Variants in SCG5 observed in about 807,000 individuals in gnomAD.
SCG5 encodes neuroendocrine protein 7B2.
SCG5 carries 18 observed loss-of-function variants against 25.7 expected under a neutral mutation model. That is an observed-to-expected ratio of 0.70 (90% CI 0.48 to 1.04). The LOEUF is 1.04. Ranked by LOEUF, SCG5 falls within the 50% of genes least tolerant of loss-of-function variation. The probability of loss-of-function intolerance (pLI) is 0.00; values close to 1 mark genes in which losing one functional copy is unlikely to be tolerated. For missense variants in SCG5, 206 were observed against 259.8 expected (o/e 0.79, Z 1.42); for synonymous variants, 101 against 91.7 (o/e 1.10, Z -0.58).
chr15:32,657,199 GTA>G lies in SCG5; in HGVS notation c.226+13393_226+13394del, dbSNP rs71113463. 7.5e-4 allele frequency among the ~76,000 whole-genome samples: 5 copies of G among 6,670 alleles called. 2 individuals carry two copies. Among genetic ancestry groups the G allele is most frequent in the Non-Finnish European group, 1.2e-3 (4 of 3,466 alleles). 4.4% of individuals were successfully genotyped at this position (6,670 alleles called of 152,430 possible). On this transcript the variant is annotated intron_variant, in intron 2 of 5. Transcript: ENST00000300175. ...CCTTAATTCTTTCTTTCATCCTCCT[GTA>G]TATATATATATGTATGTATTTCCAG...
At chr15:32,683,992 G>A (rs2054660858) in intron 3 of SCG5, among the ~76,000 whole-genome samples, 1 of 152,224 alleles carries the variant, frequency 6.6e-6, no homozygotes, top group African/African-American at 2.4e-5. Flanking sequence ...CGCAATAGAA[G>A]TTTATTTTTC....
At chr15:32,669,759 TGTGTTAGAGGGG>T (rs1190712777) in intron 2 of SCG5, among the ~76,000 whole-genome samples, 2 of 152,100 alleles carry the variant, frequency 1.3e-5, no homozygotes, top group African/African-American at 4.8e-5. Context: ...TTTGTGTGTA[TGTGTTAGAGGGG>T]GTGGGGTTTG....
chr15:32,656,054 CT>C, intron 2 of SCG5: 2 of 152,296 alleles, frequency 1.3e-5, no homozygotes, highest in South Asian at 4.1e-4. Flanking sequence ...AAGCTAAGCA[CT>C]GGGAACCATA....
At chr15:32,667,191 A>G (rs1443807061) in intron 2 of SCG5, among the ~76,000 whole-genome samples, 1 of 152,228 alleles carries the variant, frequency 6.6e-6, no homozygotes, top group South Asian at 2.1e-4. Flanking sequence ...TTCATATTCT[A>G]TTTCTATAGA....
chr15:32,684,871 A>G (rs1278153613), intron 4 of SCG5, among the ~76,000 whole-genome samples: 5 of 152,324 alleles, frequency 3.3e-5, no homozygotes, highest in Non-Finnish European at 7.4e-5. Context: ...ACCAAATCCA[A>G]CTAAAGAGAC....
chr15:32,690,812 T>C lies in SCG5; in HGVS notation c.490-898T>C, dbSNP rs539751791. On this transcript the variant is annotated intron_variant, in intron 4 of 5. Coordinates refer to ENST00000300175, the MANE Select transcript of SCG5 (RefSeq NM_001144757.3). ...GAACTCTGTGGTTGTCTTTGTTTTT[T>C]TTTTTTCTTAATGTCAGAGTATTTT... Among the ~76,000 whole-genome samples, 24 of 152,076 alleles carry C rather than the reference T, an allele frequency of 1.6e-4. No homozygotes were observed. In the South Asian group the frequency reaches 5.0e-3, roughly 32 times the overall value.
chr15:32,647,941 C>A (rs2053969834), intron 2 of SCG5, among the ~76,000 whole-genome samples: 1 of 152,104 alleles, frequency 6.6e-6, no homozygotes, highest in Admixed American at 6.6e-5. Context: ...TCTCTATCTA[C>A]TTGATCTCAT....
intron 2 of SCG5, among the ~76,000 whole-genome samples, chr15:32,670,920 A>G (rs537710851): frequency 2.6e-5 from 4 of 152,382 alleles, no homozygotes; most frequent in African/African-American, 9.6e-5. Flanking sequence ...ATGCAGGATC[A>G]TTAATTTCGG....
intron 2 of SCG5, among the ~76,000 whole-genome samples, chr15:32,668,270 A>G (rs1047374236): frequency 6.6e-6 from 1 of 152,256 alleles, no homozygotes; most frequent in Non-Finnish European, 1.5e-5. Flanking sequence ...CTAGCCATTT[A>G]TAAAGAACAC....
intron 2 of SCG5, among the ~76,000 whole-genome samples, chr15:32,674,831 T>C (rs531555337): frequency 2.1e-3 from 315 of 152,290 alleles, no homozygotes; most frequent in Non-Finnish European, 3.6e-3. Context: ...AGGGTGAGAA[T>C]GCAGAGAAGA....
In SCG5 at chr15:32,674,201, G is replaced by T. The variant is rs2054492704; in HGVS notation, c.227-5565G>T. On this transcript the variant is annotated intron_variant, in intron 2 of 5. Transcript: ENST00000300175. ...TAGTGGAAAATTCTCCTTTAAAATG[G>T]TTAAATAAATCTTGATCTTAAACCG... 4.6e-5 allele frequency among the ~76,000 whole-genome samples: 7 copies of T among 152,116 alleles called. No individual in the cohort carries two copies. The South Asian group carries it at 1.4e-3, about 31-fold the overall frequency.
At chr15:32,665,192 C>T (rs1190343127) in intron 2 of SCG5, among the ~76,000 whole-genome samples, 1 of 152,134 alleles carries the variant, frequency 6.6e-6, no homozygotes, top group African/African-American at 2.4e-5. Context: ...GCCACATTCC[C>T]CTAAAATGCA....
chr15:32,663,059 A>ATATG lies in SCG5; in HGVS notation c.227-16704_227-16703insGTAT, dbSNP rs1567076400. Among the ~76,000 whole-genome samples the ATATG allele has an allele frequency of 2.9e-5, 2 of 68,466 alleles. 1 individual carries two copies. Among genetic ancestry groups the ATATG allele is most frequent in the Non-Finnish European group, 6.0e-5 (2 of 33,128 alleles). The allele number at this position is 68,466 out of a possible 152,430, so 44.9% of individuals were successfully genotyped here. A position where few individuals can be genotyped will look rare whatever the true frequency, so the allele number is the denominator to read the frequency against. On this transcript the variant is annotated intron_variant, in intron 2 of 5. Coordinates refer to ENST00000300175, the MANE Select transcript of SCG5 (RefSeq NM_001144757.3). ...TATATATATATATATATATATATAT[A>ATATG]TATATATATATATATATATAATATA...
intron 1 of SCG5, among the ~76,000 whole-genome samples, chr15:32,642,641 G>A (rs1291656069): frequency 2.0e-5 from 3 of 147,896 alleles, no homozygotes; most frequent in African/African-American, 5.0e-5. Flanking sequence ...AACACGTTAA[G>A]CAGCTGTGGG....
chr15:32,661,880 T>G (rs1200186767), intron 2 of SCG5, among the ~76,000 whole-genome samples: 1 of 152,206 alleles, frequency 6.6e-6, no homozygotes, highest in African/African-American at 2.4e-5. Flanking sequence ...TCGTACCACC[T>G]AGAGATACCC....
chr15:32,694,400 A>G (rs2054917592), intron 5 of SCG5, among the ~76,000 whole-genome samples: 1 of 152,246 alleles, frequency 6.6e-6, no homozygotes, highest in Admixed American at 6.5e-5. Flanking sequence ...TCACAAATGA[A>G]ATGTCAATCT....
At chr15:32,674,864 G>A (rs79885228) in intron 2 of SCG5, among the ~76,000 whole-genome samples, 3,230 of 152,268 alleles carry the variant, frequency 0.021, 113 homozygotes, top group African/African-American at 0.074. Flanking sequence ...CAAAAGATTG[G>A]CAGATTTTTA....
chr15:32,662,113 G>A (rs2054229475), intron 2 of SCG5, among the ~76,000 whole-genome samples: 1 of 152,168 alleles, frequency 6.6e-6, no homozygotes. Context: ...TGGCCATTTA[G>A]AGTTTTTCCA....
intron 2 of SCG5, among the ~76,000 whole-genome samples, chr15:32,663,834 T>C (rs1349291134): frequency 6.6e-6 from 1 of 152,190 alleles, no homozygotes; most frequent in Non-Finnish European, 1.5e-5. Flanking sequence ...CCAGTGCCTC[T>C]TGTGGGAAAG....
Sources: gnomAD v4.1 joint callset for allele counts (sites outside exome capture counted in the v4.1 genomes callset) on GRCh38, gnomAD v4.1.1 for gene constraint, MANE v1.5 for transcripts, NCBI Gene and HGNC (gene_info 2026-07-23, HGNC 2026-07-21) for gene names.